The following KIF3C variants were observed in gnomAD, a reference collection of about 807,000 sequenced individuals.
KIF3C encodes the protein kinesin family member 3C.
In KIF3C, 12 loss-of-function variants were observed where a neutral mutation model predicts 67.7. The observed-to-expected ratio is 0.18, with a 90% CI of 0.11 to 0.29. KIF3C has a LOEUF of 0.29. Ranked by LOEUF, KIF3C falls within the 10% of genes least tolerant of loss-of-function variation. The pLI, the probability that KIF3C is intolerant of heterozygous loss-of-function variation, is 1.00. For synonymous variants in KIF3C, 393 were observed against 426.2 expected, an observed-to-expected ratio of 0.92 and a Z score of 0.96; for missense variants, 789 against 1,059.6, an observed-to-expected ratio of 0.74 and a Z score of 3.55.
chr2:25,956,408 T>C lies in KIF3C; in HGVS notation c.1582A>G (p.Ile528Val). 6.2e-7 allele frequency: 1 copy of C among 1,614,168 alleles called. No homozygotes were observed. Among genetic ancestry groups the C allele is most frequent in the Non-Finnish European group, 8.5e-7 (1 of 1,180,030 alleles). Residue 528 changes from isoleucine (I) to valine (V), a missense_variant, in exon 2 of 8, where the codon ATC (isoleucine) becomes GTC (valine). Around this residue, in one of 2 missense-constraint regions of KIF3C, gnomAD observed 648 missense variants for 807.8 expected, o/e 0.80. Transcript: ENST00000264712. The part of the protein sequence containing the change: ...ESKLLIGGRN[I>V]MDHTNEQQKM... ...TGCTGTTCGTTGGTGTGATCCATGA[T>C]GTTCCTGCCCCCGATGAGGAGCTTG...
rs745991847 is a variant in KIF3C, at chr2:25,980,814, C to T, written c.1104G>A (p.Lys368=). 3 of 1,614,216 alleles carry T rather than the reference C, an allele frequency of 1.9e-6. No individual in the cohort carries two copies. The highest frequency in any genetic ancestry group is 1.7e-6 in the Non-Finnish European group (2 of 1,180,048). The change falls in exon 1 of 8, where the codon AAG becomes AAA. Residue 368 remains lysine, a synonymous_variant. Transcript: ENST00000264712. The surrounding 1 kb of genome is among the most constrained non-coding windows in gnomAD (Gnocchi z 7.6). Reference sequence around the variant, plus strand: ...CCTTGGGGTCCTCGTTCACCCGGGGCTTGTTCTTGATGTTCTTGGCTCGGT... The same window carrying T: ...CCTTGGGGTCCTCGTTCACCCGGGGTTTGTTCTTGATGTTCTTGGCTCGGT... The part of the protein sequence containing the change: ...FANRAKNIKN[K]PRVNEDPKDT...
Position 25,981,204 on chromosome 2 carries a change from T to A in KIF3C, c.714A>T (p.Arg238=). Residue 238 remains arginine (R), a synonymous_variant, in exon 1 of 8, where the codon CGA becomes CGT. Transcript: ENST00000264712. This position sits in a 1 kb window ranked among gnomAD's most constrained non-coding sequence, Gnocchi z 8.2. ...ERGSDGQDHI[R]VGKLNLVDLA... is the part of the protein sequence containing the mutation. ...GGTCCACGAGGTTGAGCTTGCCCAC[T>A]CGGATGTGGTCCTGGCCATCAGAGC... 1.9e-6 allele frequency: 3 copies of A among 1,614,066 alleles called. No homozygotes were observed. Among genetic ancestry groups the A allele is most frequent in the Non-Finnish European group, 2.5e-6 (3 of 1,180,016 alleles).
At chr2:25,938,382 G>A (rs1425475533) in intron 5 of KIF3C, 1 of 387,310 alleles carries the variant, frequency 2.6e-6, no homozygotes, top group South Asian at 1.9e-5. Context: ...ATTATTTTGT[G>A]AAATTTTTGA....
At chr2:25,961,679 G>C (rs1663945958) in intron 1 of KIF3C, among the ~76,000 whole-genome samples, 1 of 152,220 alleles carries the variant, frequency 6.6e-6, no homozygotes, top group African/African-American at 2.4e-5. Flanking sequence ...AGGCTTTTTA[G>C]AAACAAAACA....
intron 1 of KIF3C, among the ~76,000 whole-genome samples, chr2:25,979,404 C>T (rs1232696554): frequency 6.6e-6 from 1 of 151,992 alleles, no homozygotes; most frequent in Non-Finnish European, 1.5e-5. Flanking sequence ...GGGCAGGGGT[C>T]GGTTGGCTTG....
At chr2:25,963,651 A>T (rs1486466001) in intron 1 of KIF3C, among the ~76,000 whole-genome samples, 1 of 147,320 alleles carries the variant, frequency 6.8e-6, no homozygotes, top group African/African-American at 2.5e-5. Flanking sequence ...TTATTACAGC[A>T]TCATAGGCAT....
chr2:25,942,877 G>A (rs1403269863), intron 5 of KIF3C, among the ~76,000 whole-genome samples: 1 of 152,192 alleles, frequency 6.6e-6, no homozygotes, highest in African/African-American at 2.4e-5. Flanking sequence ...CTCAAGAGCT[G>A]CCTGACAACT....
At chr2:25,954,687 C>G (rs566071557) in intron 3 of KIF3C, among the ~76,000 whole-genome samples, 75 of 152,328 alleles carry the variant, frequency 4.9e-4, no homozygotes, top group African/African-American at 1.8e-3. Flanking sequence ...GTCCAATACC[C>G]TCCTTTCATA....
chr2:25,949,016 A>G (rs554410369), intron 5 of KIF3C, among the ~76,000 whole-genome samples: 48 of 152,318 alleles, frequency 3.2e-4, no homozygotes, highest in African/African-American at 1.1e-3. Flanking sequence ...AGGGAGGGAA[A>G]TCATCATAAA....
chr2:25,976,005 T>C (rs567354716), intron 1 of KIF3C, among the ~76,000 whole-genome samples: 2 of 152,010 alleles, frequency 1.3e-5, no homozygotes, highest in African/African-American at 2.4e-5. Flanking sequence ...AGGGTGCTCA[T>C]GTGGAATAAA....
At chr2:25,946,665 C>T (rs1359760823) in intron 5 of KIF3C, among the ~76,000 whole-genome samples, 2 of 149,042 alleles carry the variant, frequency 1.3e-5, no homozygotes, top group East Asian at 2.0e-4. Context: ...TCCAGCCTGA[C>T]GACAGAGCTA....
Position 25,928,797 on chromosome 2 carries a change from G to T in KIF3C, c.*181C>A. Reference sequence around the variant, plus strand: ...ACAGAGCTCCGCGAATAAATAACATGAATTAAATAAAGGAGGCGAAGAAGA... The same window carrying T: ...ACAGAGCTCCGCGAATAAATAACATTAATTAAATAAAGGAGGCGAAGAAGA... On this transcript the variant is annotated 3_prime_UTR_variant, in exon 8 of 8. Transcript: ENST00000264712. The T allele has an allele frequency of 1.7e-6, 1 of 577,048 alleles. No individual in the cohort carries two copies. Among genetic ancestry groups the T allele is most frequent in the Non-Finnish European group, 3.1e-6 (1 of 325,360 alleles). The allele number at this position is 577,048 out of a possible 1,614,324, so 35.7% of individuals were successfully genotyped here. A position where few individuals can be genotyped will look rare whatever the true frequency, so the allele number is the denominator to read the frequency against.
At chr2:25,966,063 G>A (rs1664132296) in intron 1 of KIF3C, among the ~76,000 whole-genome samples, 1 of 151,926 alleles carries the variant, frequency 6.6e-6, no homozygotes, top group Admixed American at 6.6e-5. Flanking sequence ...GCCTAGAAGT[G>A]GAGTCCTTGA....
At chr2:25,974,371 T>C (rs1664358659) in intron 1 of KIF3C, among the ~76,000 whole-genome samples, 1 of 150,904 alleles carries the variant, frequency 6.6e-6, no homozygotes, top group African/African-American at 2.4e-5. Context: ...CCCGGCCTTT[T>C]TCTTTTTTTC....
intron 1 of KIF3C, among the ~76,000 whole-genome samples, chr2:25,967,740 T>A (rs918085579): frequency 3.9e-5 from 6 of 152,168 alleles, no homozygotes; most frequent in Admixed American, 2.6e-4. Flanking sequence ...ATGAAAGGAT[T>A]CCTTGAGCCC....
chr2:25,953,463 C>G (rs1320537128), intron 4 of KIF3C, among the ~76,000 whole-genome samples: 1 of 150,832 alleles, frequency 6.6e-6, no homozygotes, highest in Non-Finnish European at 1.5e-5. Context: ...CAGGTTCACA[C>G]CATTCTCCTG....
chr2:25,961,482 C>A (rs2149236901), intron 1 of KIF3C, among the ~76,000 whole-genome samples: 1 of 152,292 alleles, frequency 6.6e-6, no homozygotes, highest in East Asian at 1.9e-4. Flanking sequence ...GCATCAATTA[C>A]AATTTTACAT....
chr2:25,932,079 G>A (rs1458774085), intron 5 of KIF3C, among the ~76,000 whole-genome samples: 16 of 144,144 alleles, frequency 1.1e-4, no homozygotes, highest in Middle Eastern at 3.9e-3. Flanking sequence ...TCGGCTCACT[G>A]CAACTTCCGA....
intron 1 of KIF3C, among the ~76,000 whole-genome samples, chr2:25,969,124 A>G (rs1319291936): frequency 6.6e-6 from 1 of 152,150 alleles, no homozygotes; most frequent in Non-Finnish European, 1.5e-5. Flanking sequence ...GCGTCCGGTC[A>G]GGAATCATCT....
Sources: allele counts gnomAD v4.1 joint callset (sites outside exome capture counted in the v4.1 genomes callset), GRCh38; gene constraint gnomAD v4.1.1; regional missense constraint gnomAD v4.1.1; non-coding constraint Gnocchi (gnomAD v3.1); transcripts MANE v1.5; gene names NCBI Gene and HGNC (gene_info 2026-07-23, HGNC 2026-07-21).